PM20D2: variants seen among roughly 807,000 people sequenced by gnomAD.
PM20D2 encodes the protein peptidase M20 domain containing 2.
A neutral mutation model predicts 42.9 loss-of-function variants in PM20D2; 33 were observed. That is an observed-to-expected ratio of 0.77 (90% CI 0.58 to 1.03). PM20D2 has a LOEUF of 1.03. Among genes scored for constraint, PM20D2 ranks in the 50% least tolerant of loss-of-function variants. PM20D2 has a pLI of 0.00. For missense variants in PM20D2, 548 were observed against 557.0 expected (o/e 0.98, Z 0.16); for synonymous variants, 250 against 228.2 (o/e 1.10, Z -0.86).
At position 89,164,482 on chromosome 6, in the gene PM20D2, T is replaced by G. The variant is rs142656876; in HGVS notation, c.*2219T>G. ...AAGGAAGATTGTTGTAACAGAAGAG[T>G]GACAACCAATAGTTTTTTGATCATT... On this transcript the variant is annotated 3_prime_UTR_variant, in exon 7 of 7. Transcript: ENST00000275072. The G allele has an allele frequency of 1.3e-5, 2 of 152,560 alleles. No individual in the cohort carries two copies. Among genetic ancestry groups the G allele is most frequent in the African/African-American group, 4.8e-5 (2 of 41,436 alleles). The allele number at this position is 152,560 out of a possible 1,614,324, so 9.5% of individuals were successfully genotyped here. A position where few individuals can be genotyped will look rare whatever the true frequency, so the allele number is the denominator to read the frequency against.
At chr6:89,112,189 T>C in the PM20D2 span, among the ~76,000 whole-genome samples, 1 of 152,064 alleles carries the variant, frequency 6.6e-6, no homozygotes, top group Non-Finnish European at 1.5e-5. Context: ...GTGCTGGAAT[T>C]ACAGGCATGA....
chr6:89,108,944 T>C, the PM20D2 span, among the ~76,000 whole-genome samples: 2 of 152,210 alleles, frequency 1.3e-5, no homozygotes, highest in African/African-American at 4.8e-5. Context: ...TTTATTTCAT[T>C]TAACACTCAT....
chr6:89,143,099 T>G (rs2127769000), upstream of PM20D2, among the ~76,000 whole-genome samples: 1 of 152,282 alleles, frequency 6.6e-6, no homozygotes, highest in Admixed American at 6.5e-5. Context: ...TTTCAAAAAC[T>G]TTTTTTTCTC....
chr6:89,112,092 C>T, the PM20D2 span, among the ~76,000 whole-genome samples: 1 of 151,246 alleles, frequency 6.6e-6, no homozygotes, highest in Non-Finnish European at 1.5e-5. Flanking sequence ...ACTGCAACCT[C>T]CTCCTCCCCG....
chr6:89,120,036 C>G, the PM20D2 span, among the ~76,000 whole-genome samples: 5 of 152,164 alleles, frequency 3.3e-5, no homozygotes, highest in African/African-American at 4.8e-5. Flanking sequence ...TGGTGGCAGA[C>G]AGAGAATGAG....
chr6:89,115,730 G>A, the PM20D2 span, among the ~76,000 whole-genome samples: 2 of 149,082 alleles, frequency 1.3e-5, no homozygotes, highest in Non-Finnish European at 1.5e-5. Context: ...TCCGCCTCCC[G>A]GGTTCACACC....
chr6:89,129,466 A>C, the PM20D2 span, among the ~76,000 whole-genome samples: 1 of 152,176 alleles, frequency 6.6e-6, no homozygotes, highest in African/African-American at 2.4e-5. Context: ...CCCAGCCTGG[A>C]CAACAGAGTG....
the PM20D2 span, chr6:89,098,673 A>T: frequency 6.2e-7 from 1 of 1,613,950 alleles, no homozygotes; most frequent in Non-Finnish European, 8.5e-7. Flanking sequence ...GAATTGGTAT[A>T]CCCTTTGGGA....
Position 89,158,251 on chromosome 6 carries a change from C to T in PM20D2, c.913-74C>T, listed in dbSNP as rs578158972. 3 of 1,343,380 alleles carry T rather than the reference C, an allele frequency of 2.2e-6. No individual in the cohort carries two copies. In the South Asian group the frequency reaches 4.2e-5, roughly 19 times the overall value. 83.2% of individuals were successfully genotyped at this position (1,343,380 alleles called of 1,614,324 possible). A position where few individuals can be genotyped will look rare whatever the true frequency, so the allele number is the denominator to read the frequency against. ...CTTAAAACCTCTTCCTATTAGAGAA[C>T]AATCACTGGTTTGAAAATTAGATAG... On this transcript the variant is annotated intron_variant, in intron 4 of 6. Transcript: ENST00000275072.
the PM20D2 span, among the ~76,000 whole-genome samples, chr6:89,137,362 A>T: frequency 6.6e-6 from 1 of 152,204 alleles, no homozygotes; most frequent in Non-Finnish European, 1.5e-5. Context: ...ATCTCTAAAA[A>T]GAAAGAAAGA....
chr6:89,159,122 A>G (rs771341761), intron 5 of PM20D2, among the ~76,000 whole-genome samples: 3 of 152,212 alleles, frequency 2.0e-5, no homozygotes, highest in Non-Finnish European at 4.4e-5. Context: ...AGTATTTCTA[A>G]GTGGAGCTGT....
chr6:89,143,529 C>T (rs908363564), upstream of PM20D2, among the ~76,000 whole-genome samples: 1 of 152,118 alleles, frequency 6.6e-6, no homozygotes, highest in Non-Finnish European at 1.5e-5. Context: ...GCACTCCTCT[C>T]ACCCCCCCAA....
chr6:89,119,697 G>A, the PM20D2 span, among the ~76,000 whole-genome samples: 1 of 152,180 alleles, frequency 6.6e-6, no homozygotes, highest in Non-Finnish European at 1.5e-5. Flanking sequence ...CACTCTAGGG[G>A]AATCCTCTGT....
intron 2 of PM20D2, among the ~76,000 whole-genome samples, chr6:89,150,685 G>A (rs1456645430): frequency 5.9e-5 from 9 of 151,268 alleles, no homozygotes; most frequent in African/African-American, 1.5e-4. Flanking sequence ...GATTACAGGC[G>A]TGCGCCACCA....
chr6:89,155,332 C>T (rs1262264564), intron 4 of PM20D2, among the ~76,000 whole-genome samples: 1 of 123,136 alleles, frequency 8.1e-6, no homozygotes, highest in African/African-American at 3.2e-5. Flanking sequence ...GGAGTTGCAG[C>T]GGCACGATCT....
chr6:89,108,888 T>G, the PM20D2 span, among the ~76,000 whole-genome samples: 1 of 152,338 alleles, frequency 6.6e-6, no homozygotes, highest in Admixed American at 6.5e-5. Flanking sequence ...AAAAATTGAC[T>G]AAGCATCTAC....
chr6:89,096,927 T>A, the PM20D2 span: 1 of 152,248 alleles, frequency 6.6e-6, no homozygotes, highest in Non-Finnish European at 1.5e-5. Context: ...GCCACATAAT[T>A]TTATAACTAA....
the PM20D2 span, among the ~76,000 whole-genome samples, chr6:89,111,422 G>C: frequency 6.6e-6 from 1 of 152,142 alleles, no homozygotes; most frequent in Non-Finnish European, 1.5e-5. Flanking sequence ...TATGGTAAAT[G>C]CAACTGTTTT....
chr6:89,105,035 GA>G, the PM20D2 span: 1 of 1,356,658 alleles, frequency 7.4e-7, no homozygotes, highest in Non-Finnish European at 9.8e-7. Context: ...TCCAGCCTGG[GA>G]AACAATGAGA....
Sources: allele counts gnomAD v4.1 joint callset (sites outside exome capture counted in the v4.1 genomes callset), GRCh38; gene constraint gnomAD v4.1.1; transcripts MANE v1.5; gene names NCBI Gene and HGNC (gene_info 2026-07-23, HGNC 2026-07-21).